PCDH7: variants seen among roughly 807,000 people sequenced by gnomAD.
The protein encoded by PCDH7 is protocadherin 7.
Under a neutral mutation model 58.9 loss-of-function variants are expected in PCDH7, and 17 were observed. That is an observed-to-expected ratio of 0.29 (90% CI 0.20 to 0.43). The LOEUF (loss-of-function observed/expected upper bound fraction) is 0.43, where lower values mean the gene tolerates loss of function less well. PCDH7 is among the 20% of genes least tolerant of loss of function. The probability of loss-of-function intolerance (pLI) is 1.00; values close to 1 mark genes in which losing one functional copy is unlikely to be tolerated. For synonymous variants in PCDH7, 664 were observed against 616.4 expected (o/e 1.08, Z -1.14); for missense variants, 1,274 against 1,441.0 (o/e 0.88, Z 1.88).
chr4:31,086,264 T>C (rs962653969), intron 3 of PCDH7, among the ~76,000 whole-genome samples: 1 of 152,164 alleles, frequency 6.6e-6, no homozygotes, highest in East Asian at 1.9e-4. Flanking sequence ...CTTTTATTTG[T>C]TTTAAATAAA....
intron 3 of PCDH7, among the ~76,000 whole-genome samples, chr4:31,104,547 A>T (rs1715311272): frequency 6.6e-6 from 1 of 152,176 alleles, no homozygotes; most frequent in South Asian, 2.1e-4. Flanking sequence ...AGAAAATGTT[A>T]GTTTTTGTGT....
At chr4:30,770,600 C>T (rs1439903294) in intron 1 of PCDH7, among the ~76,000 whole-genome samples, 2 of 152,152 alleles carry the variant, frequency 1.3e-5, no homozygotes, top group African/African-American at 4.8e-5. Flanking sequence ...CTACATCATG[C>T]TAACTACTCT....
intron 3 of PCDH7, among the ~76,000 whole-genome samples, chr4:31,141,954 CA>C (rs1720308982): frequency 6.6e-6 from 1 of 152,128 alleles, no homozygotes; most frequent in South Asian, 2.1e-4. Flanking sequence ...ACTTATGAGT[CA>C]CCCCATGTCT....
chr4:30,776,563 G>C (rs1722094584), intron 1 of PCDH7, among the ~76,000 whole-genome samples: 1 of 152,182 alleles, frequency 6.6e-6, no homozygotes, highest in Non-Finnish European at 1.5e-5. Flanking sequence ...AGTAAATCAA[G>C]TATATCTGTT....
chr4:31,097,635 TATAAA>T (rs1714305495), intron 3 of PCDH7, among the ~76,000 whole-genome samples: 1 of 45,698 alleles, frequency 2.2e-5, no homozygotes, highest in Non-Finnish European at 3.7e-5. Flanking sequence ...TATATATATA[TATAAA>T]TCTTTTTTCT....
At chr4:30,789,130 A>G (rs546347913) in intron 1 of PCDH7, among the ~76,000 whole-genome samples, 27 of 152,270 alleles carry the variant, frequency 1.8e-4, no homozygotes, top group African/African-American at 6.3e-4. Context: ...TCTGGGATCA[A>G]TAGGTCCCCC....
At chr4:30,907,345 G>A (rs1171911343) in intron 1 of PCDH7, among the ~76,000 whole-genome samples, 1 of 152,132 alleles carries the variant, frequency 6.6e-6, no homozygotes, top group African/African-American at 2.4e-5. Context: ...GAAAATTTTT[G>A]CAATCTACCC....
At chr4:30,746,863 A>G (rs1472665090) in intron 1 of PCDH7, among the ~76,000 whole-genome samples, 3 of 152,084 alleles carry the variant, frequency 2.0e-5, no homozygotes, top group African/African-American at 7.2e-5. Context: ...CTGTTTGTGT[A>G]GAATCTAGAA....
At chr4:30,980,347 GT>G (rs980896010) in intron 3 of PCDH7, among the ~76,000 whole-genome samples, 7 of 150,110 alleles carry the variant, frequency 4.7e-5, no homozygotes, top group South Asian at 4.3e-4. Flanking sequence ...AATATAAATT[GT>G]TTTTTTTGTG....
intron 3 of PCDH7, among the ~76,000 whole-genome samples, chr4:31,054,920 C>T (rs1368055177): frequency 6.6e-6 from 1 of 152,082 alleles, no homozygotes; most frequent in African/African-American, 2.4e-5. Flanking sequence ...TATCAACCTG[C>T]CATAATTTTA....
intron 3 of PCDH7, among the ~76,000 whole-genome samples, chr4:30,965,224 A>G (rs1208104275): frequency 6.6e-6 from 1 of 152,102 alleles, no homozygotes; most frequent in Admixed American, 6.5e-5. Flanking sequence ...AATGTGATAA[A>G]TGTTTTCTTC....
At position 30,818,348 on chromosome 4, in the gene PCDH7, G is replaced by T. The variant is rs1002421959; in HGVS notation, c.70+93752G>T. On this transcript the variant is annotated intron_variant, in intron 1 of 3. Transcript: ENST00000509759. The stretch of plus-strand genomic sequence containing the variant: ...AAGAGGTTAGGAATGTCTATGGAGC[G>T]GAATAGGAAAATTATTTACTGTTTC... Among the ~76,000 whole-genome samples, 4 of 152,040 alleles carry T rather than the reference G, an allele frequency of 2.6e-5. No homozygotes were observed. The East Asian group carries it at 7.7e-4, about 29-fold the overall frequency.
chr4:30,978,830 C>T (rs934830019), intron 3 of PCDH7, among the ~76,000 whole-genome samples: 1 of 152,064 alleles, frequency 6.6e-6, no homozygotes, highest in Non-Finnish European at 1.5e-5. Flanking sequence ...ATTTATTTTT[C>T]CTCTTTGCTA....
At chr4:30,954,912 T>C (rs1747695168) in intron 3 of PCDH7, among the ~76,000 whole-genome samples, 1 of 152,146 alleles carries the variant, frequency 6.6e-6, no homozygotes, top group African/African-American at 2.4e-5. Flanking sequence ...ATGTAATCTT[T>C]AGTGATAACA....
chr4:30,799,409 T>A (rs555502537), intron 1 of PCDH7, among the ~76,000 whole-genome samples: 1 of 152,370 alleles, frequency 6.6e-6, no homozygotes, highest in South Asian at 2.1e-4. Context: ...TTCTGTATAA[T>A]GCAGAAGTTG....
intron 1 of PCDH7, among the ~76,000 whole-genome samples, chr4:30,871,038 T>C (rs906545099): frequency 3.3e-5 from 5 of 152,028 alleles, no homozygotes; most frequent in African/African-American, 1.2e-4. Flanking sequence ...GTTGTTTGAG[T>C]TTGGATTAAG....
intron 1 of PCDH7, among the ~76,000 whole-genome samples, chr4:30,728,292 T>C (rs980522535): frequency 1.0e-5 from 1 of 99,120 alleles, no homozygotes; most frequent in Non-Finnish European, 2.2e-5. Flanking sequence ...TATATATATA[T>C]ATATAGAGAG....
intron 1 of PCDH7, among the ~76,000 whole-genome samples, chr4:30,900,258 A>G (rs1740043384): frequency 6.6e-6 from 1 of 152,186 alleles, no homozygotes; most frequent in Non-Finnish European, 1.5e-5. Flanking sequence ...TAGAACACAA[A>G]AACATATGGT....
At chr4:30,902,499 C>T (rs560147305) in intron 1 of PCDH7, among the ~76,000 whole-genome samples, 49 of 152,168 alleles carry the variant, frequency 3.2e-4, no homozygotes, top group Admixed American at 5.9e-4. Flanking sequence ...TTTCTTAATA[C>T]GTGCGATGCA....
Sources: allele counts gnomAD v4.1 joint callset (sites outside exome capture counted in the v4.1 genomes callset), GRCh38; gene constraint gnomAD v4.1.1; transcripts MANE v1.5; gene names NCBI Gene and HGNC (gene_info 2026-07-23, HGNC 2026-07-21).